NR3C2: variants seen among roughly 807,000 people sequenced by gnomAD.
The protein encoded by NR3C2 is nuclear receptor subfamily 3 group C member 2.
In NR3C2, 15 loss-of-function variants were observed where a neutral mutation model predicts 86.4. The observed-to-expected ratio is 0.17, with a 90% CI of 0.12 to 0.27. NR3C2 has a LOEUF of 0.27. NR3C2 is among the 10% of genes least tolerant of loss of function. NR3C2 has a pLI of 1.00. For synonymous variants in NR3C2, 458 were observed against 450.5 expected, an observed-to-expected ratio of 1.02 and a Z score of -0.21; for missense variants, 960 against 1,195.6, an observed-to-expected ratio of 0.80 and a Z score of 2.91.
Position 148,216,825 on chromosome 4 carries a change from C to T in NR3C2, c.1898-21963G>A, listed in dbSNP as rs1186592187. ...CTTGAATGTCAAATCACCCTGCTATCTGAACATGTTACCTAGCTCATGATC... is the reference window on the plus strand; with the variant it reads ...CTTGAATGTCAAATCACCCTGCTATTTGAACATGTTACCTAGCTCATGATC... On this transcript the variant is annotated intron_variant, in intron 3 of 8. Coordinates refer to ENST00000358102, the MANE Select transcript of NR3C2 (RefSeq NM_000901.5). Among the ~76,000 whole-genome samples the T allele has an allele frequency of 2.6e-5, 4 of 152,276 alleles. No homozygotes were observed. In the South Asian group the frequency reaches 8.3e-4, roughly 32 times the overall value.
chr4:148,124,606 T>C (rs532944008), intron 6 of NR3C2, among the ~76,000 whole-genome samples: 1 of 152,364 alleles, frequency 6.6e-6, no homozygotes, highest in African/African-American at 2.4e-5. Context: ...AATGTCCTTA[T>C]TCAACTTGCA....
intron 2 of NR3C2, among the ~76,000 whole-genome samples, chr4:148,420,772 T>C (rs1288195693): frequency 1.3e-5 from 2 of 152,206 alleles, no homozygotes; most frequent in Non-Finnish European, 2.9e-5. Context: ...TGCTGCTGTC[T>C]TGTGATAGGG....
intron 8 of NR3C2, among the ~76,000 whole-genome samples, chr4:148,087,385 G>C (rs1348848505): frequency 6.6e-6 from 1 of 151,982 alleles, no homozygotes; most frequent in African/African-American, 2.4e-5. Flanking sequence ...CACAGAATTA[G>C]AAAAAAACTA....
intron 4 of NR3C2, among the ~76,000 whole-genome samples, chr4:148,164,913 A>T (rs1183581015): frequency 1.3e-5 from 2 of 152,132 alleles, no homozygotes; most frequent in African/African-American, 4.8e-5. Flanking sequence ...GGCTGAAAAT[A>T]ACTAGTTAAA....
intron 2 of NR3C2, among the ~76,000 whole-genome samples, chr4:148,290,835 A>G (rs927771591): frequency 6.6e-6 from 1 of 152,168 alleles, no homozygotes; most frequent in Admixed American, 6.5e-5. Flanking sequence ...TCAACATGCA[A>G]TATGTGGAAA....
chr4:148,307,370 TATTTTAG>T (rs1742681579), intron 2 of NR3C2, among the ~76,000 whole-genome samples: 1 of 152,166 alleles, frequency 6.6e-6, no homozygotes, highest in South Asian at 2.1e-4. Flanking sequence ...TATTCTATTA[TATTTTAG>T]GATTTTCAAC....
chr4:148,416,483 A>T (rs1297406250), intron 2 of NR3C2, among the ~76,000 whole-genome samples: 2 of 152,206 alleles, frequency 1.3e-5, no homozygotes, highest in Admixed American at 1.3e-4. Flanking sequence ...AATTTGCCTA[A>T]GATCACACAG....
chr4:148,413,298 A>G (rs186936923), intron 2 of NR3C2, among the ~76,000 whole-genome samples: 1 of 152,300 alleles, frequency 6.6e-6, no homozygotes, highest in East Asian at 1.9e-4. Flanking sequence ...ATCATTTCCT[A>G]AAGTAACTAC....
chr4:148,303,075 C>A (rs888169579), intron 2 of NR3C2, among the ~76,000 whole-genome samples: 1 of 152,058 alleles, frequency 6.6e-6, no homozygotes, highest in Non-Finnish European at 1.5e-5. Context: ...GCACTTTATG[C>A]AAATAATCAG....
At chr4:148,289,485 A>G (rs564438132) in intron 2 of NR3C2, among the ~76,000 whole-genome samples, 40 of 152,324 alleles carry the variant, frequency 2.6e-4, no homozygotes, top group South Asian at 8.3e-4. Context: ...TTAAAACTAT[A>G]CACAGGTTGT....
At chr4:148,311,033 T>C (rs555663372) in intron 2 of NR3C2, among the ~76,000 whole-genome samples, 1 of 152,252 alleles carries the variant, frequency 6.6e-6, no homozygotes, top group East Asian at 1.9e-4. Flanking sequence ...ATCAGACACA[T>C]TTCATCTCAC....
Position 148,210,251 on chromosome 4 carries a change from C to T in NR3C2, c.1898-15389G>A, listed in dbSNP as rs549636512. Among the ~76,000 whole-genome samples, 70 of 152,134 alleles carry T rather than the reference C, an allele frequency of 4.6e-4. 1 individual carries two copies. Among genetic ancestry groups the T allele is most frequent in the Admixed American group, 2.9e-3 (44 of 15,290 alleles). ...TGTCACCCAGGCTGGAGTGCAGTGG[C>T]GCAGTCTTGGTTCACTGTAACCTCC... On this transcript the variant is annotated intron_variant, in intron 3 of 8. Transcript: ENST00000358102.
chr4:148,373,471 T>C (rs1437191580), intron 2 of NR3C2, among the ~76,000 whole-genome samples: 1 of 95,502 alleles, frequency 1.0e-5, no homozygotes, highest in Non-Finnish European at 1.9e-5. Flanking sequence ...AAAGGATGAC[T>C]TTTTTTTTCT....
At chr4:148,300,265 C>T (rs1038450321) in intron 2 of NR3C2, among the ~76,000 whole-genome samples, 2 of 152,152 alleles carry the variant, frequency 1.3e-5, no homozygotes, top group Non-Finnish European at 2.9e-5. Flanking sequence ...TCTCGTTTGA[C>T]ATTCTATGTG....
intron 2 of NR3C2, among the ~76,000 whole-genome samples, chr4:148,365,604 C>T (rs535794957): frequency 6.6e-6 from 1 of 151,208 alleles, no homozygotes. Context: ...CAGTAATATG[C>T]TGCTTTATTA....
At chr4:148,386,641 A>T (rs1747274760) in intron 2 of NR3C2, among the ~76,000 whole-genome samples, 2 of 152,248 alleles carry the variant, frequency 1.3e-5, no homozygotes, top group African/African-American at 4.8e-5. Flanking sequence ...AGCAGAACAA[A>T]GTCAGATATT....
chr4:148,199,830 TTAAGA>T (rs1481007421), intron 3 of NR3C2, among the ~76,000 whole-genome samples: 1 of 152,202 alleles, frequency 6.6e-6, no homozygotes. Context: ...ATTAAAATGA[TTAAGA>T]TAAATCTCCC....
intron 2 of NR3C2, among the ~76,000 whole-genome samples, chr4:148,318,040 A>C (rs937499593): frequency 5.7e-5 from 6 of 104,644 alleles, no homozygotes; most frequent in East Asian, 6.2e-4. Context: ...CCCACCCCAC[A>C]ACAGTCCCCA....
intron 2 of NR3C2, among the ~76,000 whole-genome samples, chr4:148,292,507 C>T (rs1257078522): frequency 1.3e-5 from 2 of 151,934 alleles, no homozygotes; most frequent in African/African-American, 4.8e-5. Flanking sequence ...ATATTTTATA[C>T]AACATTTTGC....
Sources: gnomAD v4.1 joint callset for allele counts (sites outside exome capture counted in the v4.1 genomes callset) on GRCh38, gnomAD v4.1.1 for gene constraint, MANE v1.5 for transcripts, NCBI Gene and HGNC (gene_info 2026-07-23, HGNC 2026-07-21) for gene names.